The following COPA variants were observed in gnomAD, a reference collection of about 807,000 sequenced individuals.
COPA encodes the protein coatomer subunit alpha.
A neutral mutation model predicts 158.7 loss-of-function variants in COPA; 10 were observed. That is an observed-to-expected ratio of 0.06 (90% confidence interval 0.04 to 0.11). The LOEUF (loss-of-function observed/expected upper bound fraction) is 0.11. Ranked by LOEUF, COPA falls within the 10% of genes least tolerant of loss-of-function variation. The pLI, the probability that COPA is intolerant of heterozygous loss-of-function variation, is 1.00. For synonymous variants in COPA, 462 were observed against 542.8 expected, an observed-to-expected ratio of 0.85 and a Z score of 2.07; for missense variants, 1,065 against 1,536.7, an observed-to-expected ratio of 0.69 and a Z score of 5.13.
At chr1:160,291,766 G>T in intron 30 of COPA, 53 bp downstream of exon 30, 2 of 1,553,388 alleles carry the variant, frequency 1.3e-6, no homozygotes, top group South Asian at 1.1e-5. Flanking sequence ...CAAACCTAGT[G>T]AAGGGTGAAG....
chr1:160,296,097 C>T lies in COPA; in HGVS notation c.2316G>A (p.Glu772=), dbSNP rs1302833444. 1.1e-5 allele frequency: 18 copies of T among 1,614,024 alleles called. No homozygotes were observed. Among genetic ancestry groups the T allele is most frequent in the Non-Finnish European group, 1.4e-5 (17 of 1,180,024 alleles). ...CTGGGTCAAATGTCTCCTTTAGGCT[C>T]TCAGCTTCTTCATCTAAGCCATGGG... The part of the protein sequence containing the change: ...AATHGLDEEA[E]SLKETFDPEK... The change falls in exon 22 of 33, where the codon GAG becomes GAA. Residue 772 remains glutamate, a synonymous_variant. Transcript: ENST00000241704.
At chr1:160,318,468 TAAAAAAAA>T (rs71090307) in intron 8 of COPA, among the ~76,000 whole-genome samples, 2 of 15,676 alleles carry the variant, frequency 1.3e-4, no homozygotes, top group African/African-American at 1.9e-4. Flanking sequence ...ACAATATTTG[TAAAAAAAA>T]AAAAAAAAAA....
intron 19 of COPA, among the ~76,000 whole-genome samples, chr1:160,298,053 C>T (rs557829129): frequency 1.3e-4 from 20 of 152,046 alleles, no homozygotes; most frequent in African/African-American, 4.1e-4. Flanking sequence ...TCATGGTGCA[C>T]GCCTGTAGTC....
rs1342962685 is a variant in COPA at position 160,333,650 on chromosome 1, A to G, written c.339T>C (p.Asp113=). 2 of 1,613,388 alleles carry G rather than the reference A, an allele frequency of 1.2e-6. No homozygotes were observed. The highest frequency in any genetic ancestry group is 1.7e-6 in the Non-Finnish European group (2 of 1,179,598). Residue 113 remains aspartate (D), a synonymous_variant, in exon 5 of 33, where the codon GAT becomes GAC. Transcript: ENST00000241704. ...AGTTCCACACTCGGATGGTCTGATC[A>G]TCGGAGGCACTCAGAATCCAGGGAT... is the stretch of plus-strand genomic sequence containing the variant. The part of the protein sequence containing the change: ...HEYPWILSAS[D]DQTIRVWNWQ...
intron 5 of COPA, 103 bp from the exon 6 acceptor site, chr1:160,332,660 C>T (rs1647586057): frequency 2.8e-6 from 2 of 718,446 alleles, no homozygotes; most frequent in East Asian, 5.5e-5. Context: ...TCCAGTTTTA[C>T]TTTTATGGAG....
chr1:160,316,809 G>C (rs1055661537), intron 8 of COPA, among the ~76,000 whole-genome samples: 3 of 151,034 alleles, frequency 2.0e-5, no homozygotes, highest in African/African-American at 7.3e-5. Context: ...AGCAAGCGTA[G>C]AAAGCTTATT....
intron 8 of COPA, among the ~76,000 whole-genome samples, chr1:160,320,998 T>C (rs1659317558): frequency 6.6e-6 from 1 of 152,166 alleles, no homozygotes; most frequent in Non-Finnish European, 1.5e-5. Context: ...TAAGATCATT[T>C]ACTAAGATCA....
chr1:160,335,289 T>A lies in COPA; in HGVS notation c.262A>T (p.Thr88Ser), dbSNP rs1411644974. The change falls in exon 4 of 33, where the codon ACA becomes TCA. Residue 88 changes from threonine to serine, a missense_variant. Coordinates refer to ENST00000241704, the MANE Select transcript of COPA (RefSeq NM_004371.4). ...WNYKLRRCLFTLLGHLDYIRT... is the reference protein window; with the variant it reads ...WNYKLRRCLFSLLGHLDYIRT... ...ATATAATCTAAGTGCCCAAGCAATG[T>A]GAAAAGACAGCGCCGAAGCTTGTAA... 1 of 1,612,634 alleles carries A rather than the reference T, an allele frequency of 6.2e-7. No individual in the cohort carries two copies. The highest frequency in any genetic ancestry group is 8.5e-7 in the Non-Finnish European group (1 of 1,179,256).
chr1:160,311,346 G>A (rs1176856896), intron 11 of COPA, among the ~76,000 whole-genome samples: 1 of 152,072 alleles, frequency 6.6e-6, no homozygotes, highest in Non-Finnish European at 1.5e-5. Context: ...ACTGAGGCAG[G>A]AGAATTGCTT....
intron 3 of COPA, 61 bp downstream of exon 3, chr1:160,339,848 G>T: frequency 2.7e-6 from 4 of 1,488,842 alleles, no homozygotes; most frequent in South Asian, 1.1e-5. Flanking sequence ...TTCCTTTCAT[G>T]ATTCCCAAAC....
In COPA at chr1:160,306,600, A is replaced by AT. The variant is rs1237168372; in HGVS notation, c.1303-108dup. On this transcript the variant is annotated intron_variant, in intron 14 of 32. Coordinates refer to ENST00000241704, the MANE Select transcript of COPA (RefSeq NM_004371.4). ...GTTCCTTAGCTTCAATTAACTAAGT[A>AT]TTTTTTGTCCTGTCCATGTCAATTA... 1.1e-5 allele frequency: 16 copies of AT among 1,424,440 alleles called. No homozygotes were observed. In the East Asian group the frequency reaches 3.6e-4, roughly 32 times the overall value. The allele number at this position is 1,424,440 out of a possible 1,614,324, so 88.2% of individuals were successfully genotyped here.
intron 2 of COPA, 64 bp downstream of exon 2, chr1:160,340,116 CT>C: frequency 6.7e-7 from 1 of 1,488,134 alleles, no homozygotes; most frequent in Admixed American, 1.7e-5. Context: ...TCAAACAAGG[CT>C]TAAAATACCC....
intron 3 of COPA, among the ~76,000 whole-genome samples, chr1:160,336,196 A>G (rs565454541): frequency 1.3e-5 from 2 of 151,946 alleles, no homozygotes; most frequent in East Asian, 3.9e-4. Context: ...AATACAAAAA[A>G]AAATTAGCCG....
chr1:160,325,693 A>C (rs371806645), intron 6 of COPA, 41 bp from the exon 7 acceptor site: 1 of 1,430,866 alleles, frequency 7.0e-7, no homozygotes, highest in South Asian at 1.1e-5. Flanking sequence ...TGTAAACATA[A>C]TATTATCTAA....
chr1:160,307,744 T>C lies in COPA; in HGVS notation c.1220-499A>G, dbSNP rs73027701. 6.5e-3 allele frequency among the ~76,000 whole-genome samples: 995 copies of C among 152,344 alleles called. 14 individuals are homozygous for C. The highest frequency in any genetic ancestry group is 0.023 in the African/African-American group (938 of 41,572). On this transcript the variant is annotated intron_variant, in intron 13 of 32. Transcript: ENST00000241704. ...GTGCTGGGCGGTATTTAGAACCAAG[T>C]TGTTGCTCTGTAAATGTCAACTGAC... is the stretch of plus-strand genomic sequence containing the variant.
Position 160,299,279 on chromosome 1 carries a change from C to T in COPA, c.1668-15G>A. 1.3e-6 allele frequency: 2 copies of T among 1,595,406 alleles called. No individual in the cohort carries two copies. The highest frequency in any genetic ancestry group is 1.7e-6 in the Non-Finnish European group (2 of 1,166,202). ...TCCCGTGGTCCCTAAGAACAGAGGG[C>T]ACAGCTTTCAGTAAGTGAGAGGGAA... is the stretch of plus-strand genomic sequence containing the variant. On this transcript the variant is annotated splice_polypyrimidine_tract_variant and intron_variant, in intron 17 of 32. Transcript: ENST00000241704.
At chr1:160,293,352 T>C (rs745912964) in intron 26 of COPA, 34 bp downstream of exon 26, 9 of 1,612,564 alleles carry the variant, frequency 5.6e-6, no homozygotes, top group Non-Finnish European at 6.8e-6. Context: ...TATTAGCCAC[T>C]CATCCCTGCC....
rs949039064 is a variant in COPA, at chr1:160,299,047, A to G, written c.1830+55T>C. 20 of 1,604,656 alleles carry G rather than the reference A, an allele frequency of 1.2e-5. No individual in the cohort carries two copies. In the Admixed American group the frequency reaches 1.9e-4, roughly 15 times the overall value. On this transcript the variant is annotated intron_variant, in intron 18 of 32. Transcript: ENST00000241704. ...GTAGACATCACTTACAGGAAAAGAA[A>G]AAAAAAAAGAGTGCTGCCTCTCTTA... is the stretch of plus-strand genomic sequence containing the variant.
intron 12 of COPA, 142 bp from the exon 13 acceptor site, chr1:160,309,318 C>T: frequency 1.5e-6 from 1 of 655,776 alleles, no homozygotes; most frequent in Non-Finnish European, 2.7e-6. Context: ...ACCCAGAGGG[C>T]ATTTGACTGT....
Sources: gnomAD v4.1 joint callset for allele counts (sites outside exome capture counted in the v4.1 genomes callset) on GRCh38, gnomAD v4.1.1 for gene constraint, MANE v1.5 for transcripts, NCBI Gene and HGNC (gene_info 2026-07-23, HGNC 2026-07-21) for gene names.